Variants in CDK14 observed in about 807,000 individuals in gnomAD.
CDK14 encodes cyclin-dependent kinase 14.
CDK14 carries 34 observed loss-of-function variants against 60.7 expected under a neutral mutation model. The observed-to-expected ratio is 0.56, with a 90% confidence interval of 0.43 to 0.75. The LOEUF is 0.75. Among genes scored for constraint, CDK14 ranks in the 30% least tolerant of loss-of-function variants. The pLI is 0.00. For missense variants in CDK14, 482 were observed against 564.1 expected, an observed-to-expected ratio of 0.85 and a Z score of 1.47; for synonymous variants, 197 against 203.7, an observed-to-expected ratio of 0.97 and a Z score of 0.28.
intron 13 of CDK14, 50 bp from the exon 14 acceptor site, chr7:91,118,015 T>C: frequency 1.9e-6 from 2 of 1,056,726 alleles, no homozygotes; most frequent in Non-Finnish European, 2.8e-6. Context: ...AAAAACATGA[T>C]TATAAATATC....
intron 4 of CDK14, among the ~76,000 whole-genome samples, chr7:90,785,126 A>C (rs1243809590): frequency 7.5e-6 from 1 of 132,668 alleles, no homozygotes; most frequent in African/African-American, 2.5e-5. Context: ...CTCTTGAGAC[A>C]AAATCATAAT....
At chr7:90,714,911 C>T (rs759947820) in intron 2 of CDK14, among the ~76,000 whole-genome samples, 11 of 151,868 alleles carry the variant, frequency 7.2e-5, no homozygotes, top group East Asian at 1.9e-4. Flanking sequence ...CCATCTGTTT[C>T]GGAGTAAGAA....
At chr7:91,180,338 G>T (rs1348054941) in intron 14 of CDK14, among the ~76,000 whole-genome samples, 1 of 151,942 alleles carries the variant, frequency 6.6e-6, no homozygotes, top group Admixed American at 6.6e-5. Flanking sequence ...ATTTGTGCTG[G>T]GTCTATTAAA....
intron 2 of CDK14, among the ~76,000 whole-genome samples, chr7:90,687,016 A>G (rs1339687408): frequency 1.3e-5 from 2 of 152,170 alleles, no homozygotes; most frequent in Non-Finnish European, 2.9e-5. Context: ...ACTGCCTCTA[A>G]TATGTGAATA....
chr7:91,188,815 G>A (rs1802267679), intron 14 of CDK14, among the ~76,000 whole-genome samples: 1 of 152,184 alleles, frequency 6.6e-6, no homozygotes, highest in South Asian at 2.1e-4. Flanking sequence ...TGTAATTGTT[G>A]ATGAGTTTAG....
intron 2 of CDK14, among the ~76,000 whole-genome samples, chr7:90,684,242 A>G (rs1488097174): frequency 6.6e-6 from 1 of 152,156 alleles, no homozygotes; most frequent in Non-Finnish European, 1.5e-5. Context: ...ATGTTCTCCA[A>G]TCAAGAATAC....
intron 14 of CDK14, among the ~76,000 whole-genome samples, chr7:91,139,066 C>T (rs190324750): frequency 6.6e-6 from 1 of 152,164 alleles, no homozygotes; most frequent in East Asian, 1.9e-4. Flanking sequence ...AGTGAATCAG[C>T]CCTACATCCA....
intron 10 of CDK14, among the ~76,000 whole-genome samples, chr7:90,994,241 C>A (rs1241718357): frequency 6.6e-6 from 1 of 152,148 alleles, no homozygotes; most frequent in Non-Finnish European, 1.5e-5. Flanking sequence ...TTGGGACTAG[C>A]CAAACATTCC....
At chr7:90,782,598 C>T (rs1805387897) in intron 4 of CDK14, among the ~76,000 whole-genome samples, 1 of 151,890 alleles carries the variant, frequency 6.6e-6, no homozygotes, top group South Asian at 2.1e-4. Flanking sequence ...CTTGGCTAAA[C>T]TATTGGCTCC....
intron 5 of CDK14, among the ~76,000 whole-genome samples, chr7:90,829,993 T>A (rs1417627423): frequency 6.6e-6 from 1 of 152,186 alleles, no homozygotes; most frequent in Non-Finnish European, 1.5e-5. Context: ...TGGTGTTGAA[T>A]GTCTGTGGCT....
chr7:91,072,058 T>C (rs987073768), intron 11 of CDK14, among the ~76,000 whole-genome samples: 2 of 152,220 alleles, frequency 1.3e-5, no homozygotes, highest in Middle Eastern at 3.2e-3. Flanking sequence ...CCATAGTCTC[T>C]GCAGACCAGC....
intron 4 of CDK14, among the ~76,000 whole-genome samples, chr7:90,767,465 T>C (rs71550582): frequency 2.8e-4 from 42 of 152,130 alleles, no homozygotes; most frequent in Non-Finnish European, 5.6e-4. Flanking sequence ...ATAGCTATTT[T>C]CCCCCCTTGT....
At chr7:90,663,810 C>G (rs528750424) in intron 2 of CDK14, among the ~76,000 whole-genome samples, 3 of 152,302 alleles carry the variant, frequency 2.0e-5, no homozygotes, top group South Asian at 2.1e-4. Flanking sequence ...ATTAATTACA[C>G]TATAAATCTG....
intron 2 of CDK14, among the ~76,000 whole-genome samples, chr7:90,717,959 A>G (rs1279904152): frequency 6.6e-6 from 1 of 152,038 alleles, no homozygotes; most frequent in East Asian, 1.9e-4. Context: ...AATAAACCAA[A>G]CACTTGAAAA....
chr7:90,606,325 C>G (rs1231464228), intron 2 of CDK14, among the ~76,000 whole-genome samples: 1 of 152,114 alleles, frequency 6.6e-6, no homozygotes, highest in African/African-American at 2.4e-5. Context: ...AATTTCATAT[C>G]CTTTGTAAAA....
chr7:90,714,399 A>G (rs555616494), intron 2 of CDK14, among the ~76,000 whole-genome samples: 8 of 152,190 alleles, frequency 5.3e-5, no homozygotes, highest in Non-Finnish European at 2.9e-5. Context: ...TTCACCTTGC[A>G]TCTCTCAGGC....
At chr7:90,615,352 C>G (rs1238776823) in intron 2 of CDK14, among the ~76,000 whole-genome samples, 1 of 152,112 alleles carries the variant, frequency 6.6e-6, no homozygotes, top group Non-Finnish European at 1.5e-5. Context: ...ATTCTGTGTG[C>G]TCTTTTGTGT....
intron 10 of CDK14, among the ~76,000 whole-genome samples, chr7:90,996,993 A>G (rs1795704934): frequency 1.3e-5 from 2 of 152,210 alleles, no homozygotes; most frequent in African/African-American, 4.8e-5. Context: ...GTGTCTAAGT[A>G]TCTGCCAGTT....
At chr7:90,815,299 C>T (rs1789302990) in intron 5 of CDK14, among the ~76,000 whole-genome samples, 1 of 152,076 alleles carries the variant, frequency 6.6e-6, no homozygotes, top group Admixed American at 6.6e-5. Flanking sequence ...ATGGCCATAT[C>T]AACAAACATA....
Sources: allele counts gnomAD v4.1 joint callset (sites outside exome capture counted in the v4.1 genomes callset), GRCh38; gene constraint gnomAD v4.1.1; transcripts MANE v1.5; gene names NCBI Gene and HGNC (gene_info 2026-07-23, HGNC 2026-07-21).